The following TPO variants were observed in gnomAD, a reference collection of about 807,000 sequenced individuals.
TPO encodes the protein thyroid microsomal antigen.
In TPO, 78 loss-of-function variants were observed where a neutral mutation model predicts 96.9. The ratio of observed to expected loss-of-function variants is 0.81; its 90% CI spans 0.67 to 0.97. The LOEUF (loss-of-function observed/expected upper bound fraction) is 0.97, where lower values mean the gene tolerates loss of function less well. TPO is among the 50% of genes least tolerant of loss of function. The pLI is 0.00. For missense variants in TPO, 1,252 were observed against 1,274.8 expected, an observed-to-expected ratio of 0.98 and a Z score of 0.27; for synonymous variants, 547 against 538.0, an observed-to-expected ratio of 1.02 and a Z score of -0.23.
intron 14 of TPO, among the ~76,000 whole-genome samples, chr2:1,505,589 TTTGTTG>T (rs753983263): frequency 1.4e-5 from 2 of 143,744 alleles, no homozygotes; most frequent in South Asian, 2.3e-4. Flanking sequence ...CCCCACTCCT[TTTGTTG>T]TTGTTGTTGT....
intron 14 of TPO, among the ~76,000 whole-genome samples, chr2:1,514,542 C>T (rs1054379262): frequency 2.0e-5 from 3 of 152,178 alleles, no homozygotes; most frequent in African/African-American, 7.2e-5. Context: ...CCTTGCCCAG[C>T]CCCACCAGAG....
At chr2:1,500,959 G>A (rs1417912436) in intron 13 of TPO, among the ~76,000 whole-genome samples, 2 of 141,486 alleles carry the variant, frequency 1.4e-5, no homozygotes, top group East Asian at 4.1e-4. Context: ...GCAACAGAGT[G>A]AGACTCCCTC....
At position 1,506,380 on chromosome 2, in the gene TPO, G is replaced by A. The variant is rs550462864; in HGVS notation, c.2518+2301G>A. 6.5e-3 allele frequency among the ~76,000 whole-genome samples: 993 copies of A among 152,134 alleles called. 8 individuals carry two copies. Among genetic ancestry groups the A allele is most frequent in the African/African-American group, 0.023 (952 of 41,502 alleles). ...TGTCTTTATAGCAGCATGATTTATAGTCCTTTGGGTGTATACCCAGTAATG... is the reference window on the plus strand; with the variant it reads ...TGTCTTTATAGCAGCATGATTTATAATCCTTTGGGTGTATACCCAGTAATG... On this transcript the variant is annotated intron_variant, in intron 14 of 16. Transcript: ENST00000329066.
chr2:1,469,062 GT>G (rs2148645386), intron 7 of TPO, among the ~76,000 whole-genome samples: 2 of 152,162 alleles, frequency 1.3e-5, no homozygotes, highest in South Asian at 2.1e-4. Context: ...AGTTTTGATT[GT>G]TTTTTATTTG....
At chr2:1,523,552 A>C (rs1675686153) in intron 15 of TPO, among the ~76,000 whole-genome samples, 1 of 78,662 alleles carries the variant, frequency 1.3e-5, no homozygotes, top group Non-Finnish European at 2.3e-5. Context: ...CAACCTCCCC[A>C]AATCCCCACC....
At chr2:1,521,679 CTGGGCTACACAGCA>C (rs1675284478) in intron 15 of TPO, among the ~76,000 whole-genome samples, 1 of 152,034 alleles carries the variant, frequency 6.6e-6, no homozygotes, top group Non-Finnish European at 1.5e-5. Context: ...AGTGGCCAGC[CTGGGCTACACAGCA>C]TGGGGGATCC....
At chr2:1,455,101 T>G (rs961858423) in intron 6 of TPO, among the ~76,000 whole-genome samples, 3 of 152,218 alleles carry the variant, frequency 2.0e-5, no homozygotes, top group Non-Finnish European at 2.9e-5. Context: ...CAATGTTGTC[T>G]GTCTCTGTGC....
Position 1,485,655 on chromosome 2 carries a change from A to T in TPO, c.1597+801A>T, listed in dbSNP as rs35201002. 2.6e-3 allele frequency among the ~76,000 whole-genome samples: 400 copies of T among 151,874 alleles called. 15 individuals carry two copies. Among genetic ancestry groups the T allele is most frequent in the African/African-American group, 8.1e-3 (333 of 41,114 alleles). On this transcript the variant is annotated intron_variant, in intron 9 of 16. Transcript: ENST00000329066. ...TTTGATTTGCATTTCTCTGATGGCC[A>T]GTGATGATGAACATTTTTTCATGTG...
intron 1 of TPO, among the ~76,000 whole-genome samples, chr2:1,384,866 A>G (rs1025797794): frequency 6.6e-6 from 1 of 152,166 alleles, no homozygotes; most frequent in African/African-American, 2.4e-5. Context: ...AATAGCTGTT[A>G]TTATTTTTAG....
intron 1 of TPO, among the ~76,000 whole-genome samples, chr2:1,384,787 G>T (rs1390235034): frequency 6.6e-6 from 1 of 152,096 alleles, no homozygotes; most frequent in Non-Finnish European, 1.5e-5. Context: ...CCTGTCTTGT[G>T]CCAGTTTTCA....
intron 15 of TPO, among the ~76,000 whole-genome samples, chr2:1,530,916 C>A (rs1254807538): frequency 9.6e-6 from 1 of 104,066 alleles, no homozygotes; most frequent in Non-Finnish European, 1.9e-5. Context: ...AAATCCCCCC[C>A]ACTCTGTGCG....
intron 7 of TPO, among the ~76,000 whole-genome samples, chr2:1,464,272 T>C (rs1333452268): frequency 6.6e-6 from 1 of 152,182 alleles, no homozygotes; most frequent in Non-Finnish European, 1.5e-5. Context: ...ATATAAAAAA[T>C]CACAGTTTCT....
At chr2:1,457,762 A>G (rs1667973928) in intron 7 of TPO, among the ~76,000 whole-genome samples, 1 of 152,024 alleles carries the variant, frequency 6.6e-6, no homozygotes, top group Non-Finnish European at 1.5e-5. Context: ...GTGTGGGCAC[A>G]TGTATTGGCA....
chr2:1,388,192 A>G (rs534679988), intron 1 of TPO, among the ~76,000 whole-genome samples: 1 of 152,366 alleles, frequency 6.6e-6, no homozygotes, highest in South Asian at 2.1e-4. Context: ...GTCCGTTCTC[A>G]GATCACAAAC....
chr2:1,541,095 G>A (rs932293466), intron 16 of TPO: 112 of 1,203,074 alleles, frequency 9.3e-5, no homozygotes, highest in Non-Finnish European at 1.1e-4. Flanking sequence ...TATAATCAGT[G>A]TGGAAAAATG....
At chr2:1,480,800 C>T (rs1486996961) in intron 8 of TPO, among the ~76,000 whole-genome samples, 3 of 152,052 alleles carry the variant, frequency 2.0e-5, no homozygotes, top group African/African-American at 7.3e-5. Context: ...CACCTTCCTC[C>T]TGCTGCATCC....
At chr2:1,411,773 C>G (rs544047494), upstream of TPO, among the ~76,000 whole-genome samples, 1 of 152,292 alleles carries the variant, frequency 6.6e-6, no homozygotes, top group East Asian at 1.9e-4. Flanking sequence ...ATCATCACTT[C>G]CCCCTTTCTC....
intron 2 of TPO, among the ~76,000 whole-genome samples, chr2:1,417,091 C>A (rs968242662): frequency 6.6e-5 from 10 of 152,388 alleles, no homozygotes; most frequent in South Asian, 2.1e-4. Flanking sequence ...TCTCACGTCC[C>A]AGGTCTTTAC....
intron 3 of TPO, among the ~76,000 whole-genome samples, chr2:1,427,335 A>G (rs988947188): frequency 6.6e-6 from 1 of 152,186 alleles, no homozygotes; most frequent in African/African-American, 2.4e-5. Context: ...CCAGGGAGGC[A>G]GGGGAGGGTT....
Sources: gnomAD v4.1 joint callset for allele counts (sites outside exome capture counted in the v4.1 genomes callset) on GRCh38, gnomAD v4.1.1 for gene constraint, MANE v1.5 for transcripts, NCBI Gene and HGNC (gene_info 2026-07-23, HGNC 2026-07-21) for gene names.